Variants in KCNC2 observed in about 807,000 individuals in gnomAD.
KCNC2 encodes voltage-gated potassium channel KCNC2.
Under a neutral mutation model 44.5 loss-of-function variants are expected in KCNC2, and 21 were observed. The ratio of observed to expected loss-of-function variants is 0.47; its 90% CI spans 0.33 to 0.68. The LOEUF (loss-of-function observed/expected upper bound fraction) is 0.68. Ranked by LOEUF, KCNC2 falls within the 30% of genes least tolerant of loss-of-function variation. The pLI is 0.01. For missense variants in KCNC2, 589 were observed against 826.2 expected, an observed-to-expected ratio of 0.71 and a Z score of 3.52; for synonymous variants, 391 against 339.1, an observed-to-expected ratio of 1.15 and a Z score of -1.68.
rs142541693 is a variant in KCNC2, at chr12:75,135,257, GA to G, written c.687+72039del. ...CTTGTTTCTGGCAAAAATGTAAAAT[GA>G]AAAAAAAAAGCCACTGAATCCCTGA... On this transcript the variant is annotated intron_variant, in intron 2 of 4. Transcript: ENST00000549446. Among the ~76,000 whole-genome samples the G allele has an allele frequency of 1.1e-4, 16 of 145,014 alleles. No homozygotes were observed. In the South Asian group the frequency reaches 1.1e-3, roughly 10 times the overall value.
chr12:75,071,434 A>C (rs1196290732), intron 2 of KCNC2, among the ~76,000 whole-genome samples: 1 of 152,168 alleles, frequency 6.6e-6, no homozygotes, highest in African/African-American at 2.4e-5. Context: ...GAAACCCAAC[A>C]CATTATTTGT....
chr12:75,147,690 C>T (rs2137443496), intron 2 of KCNC2, among the ~76,000 whole-genome samples: 1 of 152,244 alleles, frequency 6.6e-6, no homozygotes, highest in Non-Finnish European at 1.5e-5. Flanking sequence ...TGACACATGG[C>T]TTGGCCAAGA....
intron 2 of KCNC2, among the ~76,000 whole-genome samples, chr12:75,059,146 G>A (rs1460618514): frequency 2.6e-5 from 4 of 152,140 alleles, no homozygotes; most frequent in East Asian, 1.9e-4. Context: ...ATTTGGTTAT[G>A]AGAAACAAGG....
chr12:75,070,427 G>A (rs1022532711), intron 2 of KCNC2, among the ~76,000 whole-genome samples: 1 of 144,126 alleles, frequency 6.9e-6, no homozygotes, highest in African/African-American at 2.6e-5. Flanking sequence ...CTCCAGCTTG[G>A]GCAACAAGAA....
intron 2 of KCNC2, among the ~76,000 whole-genome samples, chr12:75,062,197 T>A (rs1233221313): frequency 1.3e-5 from 2 of 152,112 alleles, no homozygotes; most frequent in African/African-American, 4.8e-5. Flanking sequence ...CCCTCTTCTT[T>A]ATAACATACA....
At chr12:75,159,629 G>A (rs968237766) in intron 2 of KCNC2, among the ~76,000 whole-genome samples, 4 of 151,772 alleles carry the variant, frequency 2.6e-5, no homozygotes, top group Non-Finnish European at 5.9e-5. Context: ...TTCTAACATC[G>A]CTGGACTAGG....
intron 2 of KCNC2, among the ~76,000 whole-genome samples, chr12:75,159,679 C>T (rs183844098): frequency 2.6e-4 from 39 of 151,962 alleles, no homozygotes; most frequent in Middle Eastern, 3.4e-3. Context: ...ATCTAAAAAG[C>T]AGCTTACATA....
chr12:75,043,944 C>T lies in KCNC2; in HGVS notation c.1781-703G>A, dbSNP rs373860188. The T allele has an allele frequency of 8.4e-4, 432 of 516,538 alleles. 5 individuals are homozygous for T. The South Asian group carries it at 0.015, about 18-fold the overall frequency. The allele number at this position is 516,538 out of a possible 1,614,324, so 32.0% of individuals were successfully genotyped here. ...TGATTTCCACCCCCGACCTTCCCAC[C>T]CAGGAATTGAGAATAATTTGGTGTT... On this transcript the variant is annotated intron_variant, in intron 4 of 4. Transcript: ENST00000549446.
chr12:75,193,351 A>G (rs1324303560), intron 2 of KCNC2, among the ~76,000 whole-genome samples: 1 of 152,184 alleles, frequency 6.6e-6, no homozygotes, highest in Non-Finnish European at 1.5e-5. Flanking sequence ...AATTCAATAT[A>G]GGTAAAGAAA....
intron 2 of KCNC2, among the ~76,000 whole-genome samples, chr12:75,060,382 G>C (rs1426622367): frequency 1.3e-5 from 2 of 151,924 alleles, no homozygotes; most frequent in Non-Finnish European, 2.9e-5. Context: ...TCTTTTAGGG[G>C]AACAAATGTG....
intron 4 of KCNC2, among the ~76,000 whole-genome samples, chr12:75,046,875 A>T (rs944379101): frequency 3.3e-5 from 5 of 151,968 alleles, no homozygotes; most frequent in Non-Finnish European, 5.9e-5. Context: ...TCTCAAAGGC[A>T]TAGAAGCAGA....
intron 2 of KCNC2, among the ~76,000 whole-genome samples, chr12:75,134,564 T>A (rs1393095838): frequency 6.6e-6 from 1 of 151,616 alleles, no homozygotes; most frequent in Non-Finnish European, 1.5e-5. Flanking sequence ...TATACCACTA[T>A]CCTATCCACA....
chr12:75,139,620 G>A (rs965964687), intron 2 of KCNC2, among the ~76,000 whole-genome samples: 2 of 152,106 alleles, frequency 1.3e-5, no homozygotes, highest in Admixed American at 1.3e-4. Context: ...TACATTTTCT[G>A]GTGGTAGCTA....
At chr12:75,177,032 T>TTATATA (rs3073537) in intron 2 of KCNC2, among the ~76,000 whole-genome samples, 209 of 139,906 alleles carry the variant, frequency 1.5e-3, no homozygotes, top group East Asian at 4.8e-3. Flanking sequence ...GCTGCAAGTT[T>TTATATA]TATATATATA....
At chr12:75,153,505 G>T (rs939676716) in intron 2 of KCNC2, among the ~76,000 whole-genome samples, 1 of 151,702 alleles carries the variant, frequency 6.6e-6, no homozygotes, top group Non-Finnish European at 1.5e-5. Context: ...ATAAGGATTT[G>T]CTTAATGGGT....
intron 2 of KCNC2, among the ~76,000 whole-genome samples, chr12:75,052,342 C>T (rs1331327259): frequency 2.0e-5 from 3 of 152,086 alleles, no homozygotes; most frequent in African/African-American, 7.2e-5. Flanking sequence ...CCCTCACTTA[C>T]CAAACTCTCA....
chr12:75,041,441 T>C lies in KCNC2; in HGVS notation c.*1664A>G. On this transcript the variant is annotated 3_prime_UTR_variant, in exon 5 of 5. Transcript: ENST00000549446. ...TCGTGGCCAATAATAAAAGTGACAA[T>C]TGTCTTCCTAACAAAAAATAAACAT... is the stretch of plus-strand genomic sequence containing the variant. 1 of 1,282,636 alleles carries C rather than the reference T, an allele frequency of 7.8e-7. No individual in the cohort carries two copies. Among genetic ancestry groups the C allele is most frequent in the Non-Finnish European group, 9.9e-7 (1 of 1,007,890 alleles). 79.5% of individuals were successfully genotyped at this position (1,282,636 alleles called of 1,614,324 possible).
intron 2 of KCNC2, among the ~76,000 whole-genome samples, chr12:75,117,983 A>G (rs1887794726): frequency 1.3e-5 from 2 of 152,168 alleles, no homozygotes; most frequent in South Asian, 4.1e-4. Flanking sequence ...TGTTAAAATT[A>G]TTTGTCTATG....
chr12:75,134,615 T>C (rs1313432023), intron 2 of KCNC2, among the ~76,000 whole-genome samples: 1 of 151,824 alleles, frequency 6.6e-6, no homozygotes, highest in Non-Finnish European at 1.5e-5. Flanking sequence ...TCTCCTTTCA[T>C]AGATCCATGA....
Sources: allele counts gnomAD v4.1 joint callset (sites outside exome capture counted in the v4.1 genomes callset), GRCh38; gene constraint gnomAD v4.1.1; transcripts MANE v1.5; gene names NCBI Gene and HGNC (gene_info 2026-07-23, HGNC 2026-07-21).